The following TSNAX variants were observed in gnomAD, a reference collection of about 807,000 sequenced individuals.
TSNAX encodes translin associated factor X, also known as translin-associated protein X.
Under a neutral mutation model 33.0 loss-of-function variants are expected in TSNAX, and 12 were observed. The observed-to-expected ratio is 0.36, with a 90% CI of 0.23 to 0.59. TSNAX has a LOEUF of 0.59. Among genes scored for constraint, TSNAX ranks in the 20% least tolerant of loss-of-function variants. The pLI is 0.74. For synonymous variants in TSNAX, 110 were observed against 117.2 expected, an observed-to-expected ratio of 0.94 and a Z score of 0.40; for missense variants, 267 against 341.3, an observed-to-expected ratio of 0.78 and a Z score of 1.72.
At chr1:231,544,875 A>C (rs1331789558) in intron 4 of TSNAX, among the ~76,000 whole-genome samples, 1 of 152,344 alleles carries the variant, frequency 6.6e-6, no homozygotes, top group South Asian at 2.1e-4. Flanking sequence ...TGGGAATGAT[A>C]GATCTTCAGA....
Position 231,564,631 on chromosome 1 carries a change from G to A in TSNAX, c.599G>A (p.Arg200Gln), listed in dbSNP as rs1346467821. The change falls in exon 6 of 6, where the codon CGG (arginine) becomes CAG (glutamine). Residue 200 changes from arginine to glutamine, a missense_variant. Physicochemically the swap from Arg to Gln is conservative, Grantham distance 43 (BLOSUM62 1). Coordinates refer to ENST00000366639, the MANE Select transcript of TSNAX (RefSeq NM_005999.3). ...GCTGACTTAACTGGAGAATTGATGC[G>A]GATGTGTATTAACAGTGTGGGGAAT... is the stretch of plus-strand genomic sequence containing the variant. ...GVADLTGELM[R>Q]MCINSVGNGD... 1 of 1,614,032 alleles carries A rather than the reference G, an allele frequency of 6.2e-7. No individual in the cohort carries two copies. The highest frequency in any genetic ancestry group is 1.7e-5 in the Admixed American group (1 of 59,984).
At chr1:231,558,611 G>C (rs577615610) in intron 4 of TSNAX, among the ~76,000 whole-genome samples, 25 of 152,166 alleles carry the variant, frequency 1.6e-4, no homozygotes, top group African/African-American at 4.3e-4. Flanking sequence ...AACCACATTA[G>C]AGCATGGAGA....
chr1:231,563,054 A>G (rs1019390070), intron 5 of TSNAX, among the ~76,000 whole-genome samples: 12 of 152,226 alleles, frequency 7.9e-5, no homozygotes, highest in Non-Finnish European at 1.6e-4. Context: ...TATTAGATAC[A>G]TAGCAAAGAG....
In TSNAX at chr1:231,561,225, G is replaced by A. The variant is rs372994168; in HGVS notation, c.465G>A (p.Thr155=). Residue 155 remains threonine (T), a synonymous_variant, in exon 5 of 6, where the codon ACG becomes ACA. Coordinates refer to ENST00000366639, the MANE Select transcript of TSNAX (RefSeq NM_005999.3). ...MDEINKQLIF[T]TEDNGKENKT... is the part of the protein sequence containing the mutation. Reference sequence around the variant, plus strand: ...AAATTAATAAACAATTGATATTTACGACTGAAGACAATGGGAAAGAAAATA... The same window carrying A: ...AAATTAATAAACAATTGATATTTACAACTGAAGACAATGGGAAAGAAAATA... 1.4e-4 allele frequency: 213 copies of A among 1,559,326 alleles called. 2 individuals carry two copies. The South Asian group carries it at 1.9e-3, about 14-fold the overall frequency.
At chr1:231,555,423 A>T (rs1305204372) in intron 4 of TSNAX, among the ~76,000 whole-genome samples, 1 of 152,138 alleles carries the variant, frequency 6.6e-6, no homozygotes, top group Non-Finnish European at 1.5e-5. Context: ...GGGGAGTTAG[A>T]TTAAGAAATG....
In TSNAX at chr1:231,528,785, C is replaced by T; in HGVS notation, c.-26C>T. ...CTTGCTCCAGGTCCTTCAGTCTCCG[C>T]TCGTCTCACCGTAGGCTGTGACGAC... On this transcript the variant is annotated 5_prime_UTR_variant, in exon 1 of 6. Coordinates refer to ENST00000366639, the MANE Select transcript of TSNAX (RefSeq NM_005999.3). The T allele has an allele frequency of 1.2e-6, 2 of 1,614,148 alleles. No individual in the cohort carries two copies. Among genetic ancestry groups the T allele is most frequent in the Admixed American group, 1.7e-5 (1 of 60,032 alleles).
At chr1:231,536,009 C>T (rs925495381) in intron 2 of TSNAX, 5 of 152,174 alleles carry the variant, frequency 3.3e-5, no homozygotes, top group African/African-American at 9.6e-5. Context: ...ATCTCAGGAA[C>T]TCTTCTTCAT....
chr1:231,537,162 G>C, intron 2 of TSNAX, 51 bp from the exon 3 acceptor site: 1 of 1,371,094 alleles, frequency 7.3e-7, no homozygotes, highest in Non-Finnish European at 1.0e-6. Context: ...ATATTGTTTG[G>C]TAGGCTTTGA....
intron 2 of TSNAX, among the ~76,000 whole-genome samples, chr1:231,530,419 G>A (rs1238426471): frequency 6.6e-6 from 1 of 152,224 alleles, no homozygotes; most frequent in Non-Finnish European, 1.5e-5. Context: ...TTGCGGCTGG[G>A]TGTGGTGGCT....
chr1:231,558,116 G>A (rs1010039626), intron 4 of TSNAX, among the ~76,000 whole-genome samples: 4 of 152,068 alleles, frequency 2.6e-5, no homozygotes, highest in African/African-American at 7.3e-5. Context: ...ATGTCCCATC[G>A]GCTGGCAGAG....
intron 4 of TSNAX, among the ~76,000 whole-genome samples, chr1:231,559,530 A>T (rs541823026): frequency 1.3e-5 from 2 of 152,206 alleles, no homozygotes; most frequent in East Asian, 1.9e-4. Context: ...GGGTTTCACC[A>T]TGTTAGCCAG....
intron 3 of TSNAX, among the ~76,000 whole-genome samples, chr1:231,541,268 A>C (rs148307707): frequency 5.2e-4 from 79 of 152,162 alleles, no homozygotes; most frequent in African/African-American, 1.9e-3. Context: ...CTTATTGTCA[A>C]CTATTCTCAC....
intron 4 of TSNAX, among the ~76,000 whole-genome samples, chr1:231,560,656 G>GA (rs1661047428): frequency 1.3e-5 from 2 of 151,680 alleles, no homozygotes; most frequent in Non-Finnish European, 2.9e-5. Context: ...GACCTCAGGT[G>GA]ATCCGCCCAC....
At chr1:231,537,960 A>G (rs1659292810) in intron 3 of TSNAX, among the ~76,000 whole-genome samples, 2 of 152,210 alleles carry the variant, frequency 1.3e-5, no homozygotes, top group South Asian at 4.1e-4. Flanking sequence ...TAAAATCTGC[A>G]TAACCTATTT....
At chr1:231,554,220 T>G (rs1660540864) in intron 4 of TSNAX, among the ~76,000 whole-genome samples, 1 of 152,220 alleles carries the variant, frequency 6.6e-6, no homozygotes, top group Admixed American at 6.5e-5. Flanking sequence ...CTGCCCTTCA[T>G]CAGTTTGAAC....
chr1:231,561,565 CT>C (rs766575339), intron 5 of TSNAX, among the ~76,000 whole-genome samples: 2 of 152,196 alleles, frequency 1.3e-5, no homozygotes, highest in South Asian at 2.1e-4. Flanking sequence ...TTATTTAATC[CT>C]TTTATTAACC....
intron 5 of TSNAX, among the ~76,000 whole-genome samples, chr1:231,563,284 C>T (rs1192740643): frequency 1.3e-5 from 2 of 152,176 alleles, no homozygotes; most frequent in African/African-American, 4.8e-5. Flanking sequence ...TCGTCTCTAC[C>T]AGAAAGAATT....
rs561741967 is a variant in TSNAX, at chr1:231,542,950, G to A, written c.367+339G>A. 207 of 157,166 alleles carry A rather than the reference G, an allele frequency of 1.3e-3. 3 individuals are homozygous for A. Among genetic ancestry groups the A allele is most frequent in the Non-Finnish European group, 4.9e-4 (35 of 71,448 alleles). 9.7% of individuals were successfully genotyped at this position (157,166 alleles called of 1,614,324 possible). On this transcript the variant is annotated intron_variant, in intron 4 of 5. Transcript: ENST00000366639. Reference sequence around the variant, plus strand: ...TCCCAGCACTTTGGAAGGCCGAGGCGGGTGGATCACCAGGTCAGGAGTTCG... The same window carrying A: ...TCCCAGCACTTTGGAAGGCCGAGGCAGGTGGATCACCAGGTCAGGAGTTCG...
rs975802544 is a variant in TSNAX, at chr1:231,528,727, C to T, written c.-84C>T. On this transcript the variant is annotated 5_prime_UTR_variant, in exon 1 of 6. Coordinates refer to ENST00000366639, the MANE Select transcript of TSNAX (RefSeq NM_005999.3). ...AGCGTTTTTCTGCAGGCTGTTTTCC[C>T]AGGTTCCCTCGGCCTGTACCTCGCG... The T allele has an allele frequency of 2.6e-6, 4 of 1,557,762 alleles. No individual in the cohort carries two copies. The highest frequency in any genetic ancestry group is 2.3e-5 in the East Asian group (1 of 44,436).
Sources: gnomAD v4.1 joint callset for allele counts (sites outside exome capture counted in the v4.1 genomes callset) on GRCh38, gnomAD v4.1.1 for gene constraint, MANE v1.5 for transcripts, NCBI Gene and HGNC (gene_info 2026-07-23, HGNC 2026-07-21) for gene names.